Variants in KAT6A observed in about 807,000 individuals in gnomAD.
The protein encoded by KAT6A is lysine acetyltransferase 6A.
KAT6A carries 9 observed loss-of-function variants against 198.4 expected under a neutral mutation model. The observed-to-expected ratio is 0.05, with a 90% CI of 0.03 to 0.08. The LOEUF (loss-of-function observed/expected upper bound fraction) is 0.08, where lower values mean the gene tolerates loss of function less well. Among genes scored for constraint, KAT6A ranks in the 10% least tolerant of loss-of-function variants. The pLI is 1.00. For missense variants in KAT6A, 2,077 were observed against 2,509.9 expected (o/e 0.83, Z 3.69); for synonymous variants, 890 against 883.0 (o/e 1.01, Z -0.14).
Position 41,980,900 on chromosome 8 carries a change from C to A in KAT6A, c.853G>T (p.Asp285Tyr). 1.2e-6 allele frequency: 2 copies of A among 1,613,100 alleles called. No homozygotes were observed. Among genetic ancestry groups the A allele is most frequent in the South Asian group, 2.2e-5 (2 of 91,018 alleles). Reference sequence around the variant, plus strand: ...CAACACTCCATGTGAAAACCTCGGTCACATGAATCACAAAAGAGCATGTTA... The same window carrying A: ...CAACACTCCATGTGAAAACCTCGGTAACATGAATCACAAAAGAGCATGTTA... The part of the protein sequence containing the change: ...ADNMLFCDSC[D>Y]RGFHMECCDP... Residue 285 changes from aspartate (D) to tyrosine (Y), a missense_variant, in exon 5 of 17, where the codon GAC (aspartate) becomes TAC (tyrosine). Physicochemically the swap from Asp to Tyr is radical, Grantham distance 160. Transcript: ENST00000265713.
chr8:41,956,720 ATTGTG>A (rs1260734495), intron 8 of KAT6A, among the ~76,000 whole-genome samples: 2 of 152,202 alleles, frequency 1.3e-5, no homozygotes, highest in Non-Finnish European at 2.9e-5. Flanking sequence ...TGTGGGATGA[ATTGTG>A]TTATAACACC....
At chr8:41,990,816 A>AC (rs1166317173) in intron 2 of KAT6A, among the ~76,000 whole-genome samples, 1 of 151,898 alleles carries the variant, frequency 6.6e-6, no homozygotes, top group Admixed American at 6.6e-5. Context: ...ACATGGTAAA[A>AC]CCCCGTCTCT....
chr8:41,973,363 C>T (rs566304473), intron 8 of KAT6A, among the ~76,000 whole-genome samples: 36 of 151,930 alleles, frequency 2.4e-4, no homozygotes, highest in Middle Eastern at 3.4e-3. Flanking sequence ...GTAGCTGGGA[C>T]CACAGGCGTG....
intron 2 of KAT6A, among the ~76,000 whole-genome samples, chr8:42,012,072 A>G (rs890099490): frequency 2.6e-5 from 4 of 152,232 alleles, no homozygotes; most frequent in Non-Finnish European, 4.4e-5. Flanking sequence ...ACCACTATCT[A>G]TTAGAACGGC....
chr8:41,970,317 A>G (rs529323916), intron 8 of KAT6A, among the ~76,000 whole-genome samples: 7 of 152,190 alleles, frequency 4.6e-5, no homozygotes, highest in Admixed American at 1.3e-4. Flanking sequence ...GCCAATACAC[A>G]CACAGACAAT....
chr8:41,974,925 A>C, intron 7 of KAT6A, 103 bp from the exon 8 acceptor site: 1 of 643,994 alleles, frequency 1.6e-6, no homozygotes, highest in Non-Finnish European at 2.8e-6. Flanking sequence ...TTAATATATA[A>C]CGAAGAATAT....
intron 2 of KAT6A, among the ~76,000 whole-genome samples, chr8:42,008,643 C>T (rs1217037829): frequency 6.6e-6 from 1 of 152,072 alleles, no homozygotes. Flanking sequence ...CTGCGCCTGG[C>T]CCCTCGAGTG....
rs765421683 is a variant in KAT6A, at chr8:41,933,211, G to T, written c.5009C>A (p.Pro1670Gln). The T allele has an allele frequency of 1.9e-6, 3 of 1,579,542 alleles. No individual in the cohort carries two copies. Among genetic ancestry groups the T allele is most frequent in the Non-Finnish European group, 2.6e-6 (3 of 1,166,196 alleles). Residue 1670 changes from proline to glutamine, a missense_variant, in exon 17 of 17, where the codon CCA becomes CAA. Around this residue, in one of 13 missense-constraint regions of KAT6A, gnomAD observed 500 missense variants for 577.2 expected, o/e 0.87. Transcript: ENST00000265713. The surrounding 1 kb of genome is among the most constrained non-coding windows in gnomAD (Gnocchi z 6.2). ...QPPPPQPQPA[P>Q]QPPPPQQQPQ... ...CTGCTGCTGGGGTGGTGGAGGCTGT[G>T]GTGCTGGTTGTGGTTGTGGCGGCGG...
At position 41,933,447 on chromosome 8, in the gene KAT6A, C is replaced by CCCA; in HGVS notation, c.4770_4772dup (p.Gly1591dup). ...GGGTGAGGCTGCTGGAGGACGACAG[C>CCCA]CCACCGTAGGAGCAGCTGCTCTGGG... On this transcript the variant is annotated inframe_insertion, in exon 17 of 17. Coordinates refer to ENST00000265713, the MANE Select transcript of KAT6A (RefSeq NM_006766.5). This position sits in a 1 kb window ranked among gnomAD's most constrained non-coding sequence, Gnocchi z 6.2. 1 of 1,612,666 alleles carries CCCA rather than the reference C, an allele frequency of 6.2e-7. No individual in the cohort carries two copies.
At chr8:42,015,760 A>G (rs756608071) in intron 2 of KAT6A, among the ~76,000 whole-genome samples, 7 of 152,228 alleles carry the variant, frequency 4.6e-5, no homozygotes, top group Non-Finnish European at 8.8e-5. Flanking sequence ...TTTTTGTCCC[A>G]TGCAATGCTA....
intron 2 of KAT6A, among the ~76,000 whole-genome samples, chr8:42,019,116 T>C (rs1452121533): frequency 6.6e-6 from 1 of 152,168 alleles, no homozygotes; most frequent in African/African-American, 2.4e-5. Context: ...TCATTTGATC[T>C]CATCTGTAAA....
At chr8:41,951,006 G>C (rs1470726447) in intron 9 of KAT6A, among the ~76,000 whole-genome samples, 1 of 152,036 alleles carries the variant, frequency 6.6e-6, no homozygotes, top group Non-Finnish European at 1.5e-5. Context: ...AGATCTGTGA[G>C]AGAAGGCCAA....
chr8:42,036,107 T>C (rs1827365421), intron 2 of KAT6A, among the ~76,000 whole-genome samples: 1 of 151,918 alleles, frequency 6.6e-6, no homozygotes, highest in Admixed American at 6.6e-5. Flanking sequence ...CTCAATGAGC[T>C]CAATTGGACA....
At chr8:41,960,397 G>A (rs1324002864) in intron 8 of KAT6A, among the ~76,000 whole-genome samples, 3 of 150,278 alleles carry the variant, frequency 2.0e-5, no homozygotes, top group Admixed American at 6.7e-5. Flanking sequence ...GTGAAACCCC[G>A]TCTCTACTAA....
chr8:42,051,546 C>A (rs889840711), intron 1 of KAT6A, among the ~76,000 whole-genome samples: 4 of 145,186 alleles, frequency 2.8e-5, no homozygotes, highest in Admixed American at 6.8e-5. Flanking sequence ...CGAGGCTCCG[C>A]GGCCTGGGCC....
chr8:42,039,902 A>T (rs1418883191), intron 2 of KAT6A, among the ~76,000 whole-genome samples: 4 of 144,426 alleles, frequency 2.8e-5, no homozygotes, highest in Admixed American at 6.9e-5. Flanking sequence ...CCTGGCTAAT[A>T]TTTTTTTTTT....
rs1167701502 is a variant in KAT6A, at chr8:41,929,931, TTTC to T, written c.*2271_*2273del. ...AAGTCACTAACAGTGAGTTTTTAAA[TTTC>T]TTTTTTAGAAGATTACCCAAGTTAT... On this transcript the variant is annotated 3_prime_UTR_variant, in exon 17 of 17. Transcript: ENST00000265713. The T allele has an allele frequency of 4.6e-6, 1 of 217,246 alleles. No homozygotes were observed. Among genetic ancestry groups the T allele is most frequent in the Non-Finnish European group, 9.3e-6 (1 of 108,068 alleles). The allele number at this position is 217,246 out of a possible 1,614,324, so 13.5% of individuals were successfully genotyped here. A position where few individuals can be genotyped will look rare whatever the true frequency, so the allele number is the denominator to read the frequency against.
chr8:41,942,042 A>G (rs1822166070), intron 14 of KAT6A: 2 of 185,862 alleles, frequency 1.1e-5, no homozygotes, highest in South Asian at 3.9e-4. Flanking sequence ...TGCACTAAAG[A>G]GAGGCATGGG....
At chr8:42,001,741 T>G (rs1308838624) in intron 2 of KAT6A, among the ~76,000 whole-genome samples, 1 of 152,126 alleles carries the variant, frequency 6.6e-6, no homozygotes, top group Non-Finnish European at 1.5e-5. Flanking sequence ...GTACAGATCT[T>G]GAGAAGAATG....
Sources: gnomAD v4.1 joint callset for allele counts (sites outside exome capture counted in the v4.1 genomes callset) on GRCh38, gnomAD v4.1.1 for gene constraint, gnomAD v4.1.1 regional missense constraint, Gnocchi (gnomAD v3.1) non-coding constraint, MANE v1.5 for transcripts, NCBI Gene and HGNC (gene_info 2026-07-23, HGNC 2026-07-21) for gene names.